Variants in PIN1 observed in about 807,000 individuals in gnomAD.
The protein encoded by PIN1 is peptidyl-prolyl cis-trans isomerase NIMA-interacting 1.
A neutral mutation model predicts 19.9 loss-of-function variants in PIN1; 8 were observed. The ratio of observed to expected loss-of-function variants is 0.40; its 90% confidence interval spans 0.24 to 0.72. The LOEUF (loss-of-function observed/expected upper bound fraction) is 0.72. PIN1 is among the 30% of genes least tolerant of loss of function. The pLI is 0.37. For synonymous variants in PIN1, 86 were observed against 90.8 expected, an observed-to-expected ratio of 0.95 and a Z score of 0.30; for missense variants, 185 against 226.5, an observed-to-expected ratio of 0.82 and a Z score of 1.18.
Position 9,849,091 on chromosome 19 carries a change from T to A in PIN1, c.384T>A (p.Gly128=). ...ARGDLGAFSR[G]QMQKPFEDAS... is the part of the protein sequence containing the mutation. ...CCCACCGCCCCTCCTGGCTCCCAGG[T>A]CAGATGCAGAAGCCATTTGAAGACG... The change falls in exon 4 of 4, where the codon GGT becomes GGA. Residue 128 remains glycine, a splice_region_variant and synonymous_variant. Transcript: ENST00000247970. 1 of 1,611,184 alleles carries A rather than the reference T, an allele frequency of 6.2e-7. No homozygotes were observed. Among genetic ancestry groups the A allele is most frequent in the Non-Finnish European group, 8.5e-7 (1 of 1,177,614 alleles).
At chr19:9,839,872 CGCCTGTAGTGTCA>C (rs2046147513) in intron 2 of PIN1, among the ~76,000 whole-genome samples, 1 of 151,984 alleles carries the variant, frequency 6.6e-6, no homozygotes, top group South Asian at 2.1e-4. Flanking sequence ...TGGTGGTGCA[CGCCTGTAGTGTCA>C]GCTACTTAGA....
At chr19:9,844,401 G>T (rs1052357370) in intron 2 of PIN1, among the ~76,000 whole-genome samples, 23 of 152,338 alleles carry the variant, frequency 1.5e-4, no homozygotes, top group African/African-American at 5.3e-4. Context: ...GCAGAGGTAG[G>T]ATCTGGACCT....
chr19:9,838,437 C>T lies in PIN1; in HGVS notation c.60C>T (p.Gly20=), dbSNP rs1442567055. ...GWEKRMSRSS[G]RVYYFNHITN... ...ATTCCTGCCTGCCCTCCCCTCCAGGCCGAGTGTACTACTTCAACCACATCA... is the reference window on the plus strand; with the variant it reads ...ATTCCTGCCTGCCCTCCCCTCCAGGTCGAGTGTACTACTTCAACCACATCA... Residue 20 remains glycine, a splice_region_variant and synonymous_variant, in exon 2 of 4, where the codon GGC becomes GGT. Transcript: ENST00000247970. This position sits in a 1 kb window ranked among gnomAD's most constrained non-coding sequence, Gnocchi z 5.8. The T allele has an allele frequency of 1.2e-6, 2 of 1,600,292 alleles. No homozygotes were observed. Among genetic ancestry groups the T allele is most frequent in the East Asian group, 2.2e-5 (1 of 44,446 alleles).
rs1489997217 is a variant in PIN1, at chr19:9,838,692, A to G, written c.271+44A>G. ...GGGGCTTGGGAGGGGGTCTTCTCCC[A>G]GGTGAGCCTTTGTAGAAGTCACATC... is the stretch of plus-strand genomic sequence containing the variant. On this transcript the variant is annotated intron_variant, in intron 2 of 3. Coordinates refer to ENST00000247970, the MANE Select transcript of PIN1 (RefSeq NM_006221.4). This position sits in a 1 kb window ranked among gnomAD's most constrained non-coding sequence, Gnocchi z 5.8. 4 of 1,453,090 alleles carry G rather than the reference A, an allele frequency of 2.8e-6. No homozygotes were observed. Among genetic ancestry groups the G allele is most frequent in the Non-Finnish European group, 3.7e-6 (4 of 1,073,478 alleles). The allele number at this position is 1,453,090 out of a possible 1,614,324, so 90.0% of individuals were successfully genotyped here.
At position 9,838,021 on chromosome 19, in the gene PIN1, CCA is replaced by C. The variant is rs765103434; in HGVS notation, c.59-414_59-413del. 490 of 290,226 alleles carry C rather than the reference CCA, an allele frequency of 1.7e-3. No individual in the cohort carries two copies. Among genetic ancestry groups the C allele is most frequent in the Non-Finnish European group, 2.5e-3 (375 of 148,040 alleles). 18.0% of individuals were successfully genotyped at this position (290,226 alleles called of 1,614,324 possible). A position where few individuals can be genotyped will look rare whatever the true frequency, so the allele number is the denominator to read the frequency against. On this transcript the variant is annotated intron_variant, in intron 1 of 3. Coordinates refer to ENST00000247970, the MANE Select transcript of PIN1 (RefSeq NM_006221.4). This position sits in a 1 kb window ranked among gnomAD's most constrained non-coding sequence, Gnocchi z 5.8. ...TATCTCCATTTTGCAGGTGAGAACA[CCA>C]AGGCCCAGGGAAGATATATCACATT...
In PIN1 at chr19:9,835,321, G is replaced by A. The variant is rs954710620; in HGVS notation, c.-24G>A. On this transcript the variant is annotated 5_prime_UTR_variant, in exon 1 of 4. Transcript: ENST00000247970. Reference sequence around the variant, plus strand: ...CGACAGGCGGCGCAGCTGAGGCGGAGCAGGCGCTGCGGCAGGAGGGAAGAT... The same window carrying A: ...CGACAGGCGGCGCAGCTGAGGCGGAACAGGCGCTGCGGCAGGAGGGAAGAT... The A allele has an allele frequency of 6.6e-7, 1 of 1,523,788 alleles. No individual in the cohort carries two copies. The highest frequency in any genetic ancestry group is 8.8e-7 in the Non-Finnish European group (1 of 1,141,428). The allele number at this position is 1,523,788 out of a possible 1,614,324, so 94.4% of individuals were successfully genotyped here. A position where few individuals can be genotyped will look rare whatever the true frequency, so the allele number is the denominator to read the frequency against.
At position 9,846,764 on chromosome 19, in the gene PIN1, G is replaced by A. The variant is rs1045386040; in HGVS notation, c.272-1266G>A. On this transcript the variant is annotated intron_variant, in intron 2 of 3. Transcript: ENST00000247970. This position sits in a 1 kb window ranked among gnomAD's most constrained non-coding sequence, Gnocchi z 5.9. ...AGCTATGTATGTCCTGGGCAAGTTG[G>A]CCGGCAGGTGTGTCATGGCATCATT... 2.0e-5 allele frequency among the ~76,000 whole-genome samples: 3 copies of A among 152,200 alleles called. No homozygotes were observed. Among genetic ancestry groups the A allele is most frequent in the Non-Finnish European group, 2.9e-5 (2 of 68,024 alleles).
rs2046134282 is a variant in PIN1, at chr19:9,838,571, G to A, written c.194G>A (p.Ser65Asn). Residue 65 changes from serine to asparagine, a missense_variant, in exon 2 of 4, where the codon AGC becomes AAC. By Grantham distance (46) the Ser-to-Asn change is conservative. Transcript: ENST00000247970. This position sits in a 1 kb window ranked among gnomAD's most constrained non-coding sequence, Gnocchi z 5.8. ...TGCTCGCACCTGCTGGTGAAGCACAGCCAGTCACGGCGGCCCTCGTCCTGG... is the reference window on the plus strand; with the variant it reads ...TGCTCGCACCTGCTGGTGAAGCACAACCAGTCACGGCGGCCCTCGTCCTGG... ...VRCSHLLVKH[S>N]QSRRPSSWRQ... The A allele has an allele frequency of 3.2e-6, 5 of 1,570,742 alleles. No individual in the cohort carries two copies. Among genetic ancestry groups the A allele is most frequent in the South Asian group, 1.2e-5 (1 of 85,554 alleles).
At chr19:9,836,077 A>G (rs1021595705) in intron 1 of PIN1, 4 of 152,204 alleles carry the variant, frequency 2.6e-5, no homozygotes, top group African/African-American at 9.7e-5. Context: ...AACTCGTCCA[A>G]GATCATTCAT....
chr19:9,838,692 A>C lies in PIN1; in HGVS notation c.271+44A>C. The C allele has an allele frequency of 6.9e-7, 1 of 1,453,090 alleles. No homozygotes were observed. The highest frequency in any genetic ancestry group is 9.3e-7 in the Non-Finnish European group (1 of 1,073,478). 90.0% of individuals were successfully genotyped at this position (1,453,090 alleles called of 1,614,324 possible). A position where few individuals can be genotyped will look rare whatever the true frequency, so the allele number is the denominator to read the frequency against. On this transcript the variant is annotated intron_variant, in intron 2 of 3. Coordinates refer to ENST00000247970, the MANE Select transcript of PIN1 (RefSeq NM_006221.4). This position sits in a 1 kb window ranked among gnomAD's most constrained non-coding sequence, Gnocchi z 5.8. ...GGGGCTTGGGAGGGGGTCTTCTCCCAGGTGAGCCTTTGTAGAAGTCACATC... is the reference window on the plus strand; with the variant it reads ...GGGGCTTGGGAGGGGGTCTTCTCCCCGGTGAGCCTTTGTAGAAGTCACATC...
chr19:9,835,542 C>T (rs890356263), intron 1 of PIN1, 140 bp downstream of exon 1: 1 of 628,724 alleles, frequency 1.6e-6, no homozygotes, highest in African/African-American at 1.9e-5. Flanking sequence ...GGGTAACGGC[C>T]CCGGCCCGCC....
intron 2 of PIN1, among the ~76,000 whole-genome samples, chr19:9,845,136 C>T (rs1380148536): frequency 2.0e-5 from 3 of 152,126 alleles, no homozygotes; most frequent in East Asian, 3.8e-4. Flanking sequence ...AGGTGGGAGT[C>T]GGAGGATGTC....
intron 2 of PIN1, among the ~76,000 whole-genome samples, chr19:9,840,005 TAAATA>T (rs1325580250): frequency 6.6e-6 from 1 of 151,806 alleles, no homozygotes; most frequent in Non-Finnish European, 1.5e-5. Flanking sequence ...GTCTCAAAAA[TAAATA>T]AGATAATATC....
Position 9,849,135 on chromosome 19 carries a change from C to CG in PIN1, c.433dup (p.Glu145GlyfsTer19), listed in dbSNP as rs751968599. The CG allele has an allele frequency of 6.2e-7, 1 of 1,613,818 alleles. No individual in the cohort carries two copies. Among genetic ancestry groups the CG allele is most frequent in the Admixed American group, 1.7e-5 (1 of 60,010 alleles). ...GAAGACGCCTCGTTTGCGCTGCGGACGGGGGAGATGAGCGGGCCCGTGTTC... is the reference window on the plus strand; with the variant it reads ...GAAGACGCCTCGTTTGCGCTGCGGACGGGGGGAGATGAGCGGGCCCGTGTTC... On this transcript the variant is annotated frameshift_variant, in exon 4 of 4. Transcript: ENST00000247970. LOFTEE classifies it high-confidence loss of function.
chr19:9,845,016 C>A (rs933405283), intron 2 of PIN1, among the ~76,000 whole-genome samples: 1 of 152,118 alleles, frequency 6.6e-6, no homozygotes, highest in African/African-American at 2.4e-5. Context: ...AAATGCAGCA[C>A]CCAGGGGGAG....
Position 9,838,348 on chromosome 19 carries a change from C to G in PIN1, c.59-88C>G. 9.5e-7 allele frequency: 1 copy of G among 1,053,014 alleles called. No individual in the cohort carries two copies. Among genetic ancestry groups the G allele is most frequent in the East Asian group, 2.6e-5 (1 of 39,094 alleles). 65.2% of individuals were successfully genotyped at this position (1,053,014 alleles called of 1,614,324 possible). On this transcript the variant is annotated intron_variant, in intron 1 of 3. Coordinates refer to ENST00000247970, the MANE Select transcript of PIN1 (RefSeq NM_006221.4). The surrounding 1 kb of genome is among the most constrained non-coding windows in gnomAD (Gnocchi z 5.8). ...TTGAATGAAGGCGCCCCCTGCAAGC[C>G]AGGCCCTCACCCTGGCTTCTGGCTG...
intron 2 of PIN1, among the ~76,000 whole-genome samples, chr19:9,844,083 G>C (rs1599452822): frequency 6.6e-6 from 1 of 152,046 alleles, no homozygotes; most frequent in East Asian, 1.9e-4. Context: ...TGTTGGATCA[G>C]GGCCCCACCC....
In PIN1 at chr19:9,838,476, G is replaced by A. The variant is rs2233682; in HGVS notation, c.99G>A (p.Gln33=). The change falls in exon 2 of 4, where the codon CAG becomes CAA. Residue 33 remains glutamine (Q), a synonymous_variant. Transcript: ENST00000247970. The surrounding 1 kb of genome is among the most constrained non-coding windows in gnomAD (Gnocchi z 5.8). ...TCAACCACATCACTAACGCCAGCCA[G>A]TGGGAGCGGCCCAGCGGCAACAGCA... ...YYFNHITNAS[Q]WERPSGNSSS... 0.021 allele frequency: 33,013 copies of A among 1,609,254 alleles called. 1,662 individuals carry two copies. Among genetic ancestry groups the A allele is most frequent in the African/African-American group, 0.18 (13,163 of 74,990 alleles).
chr19:9,848,177 C>G, intron 3 of PIN1, 37 bp downstream of exon 3: 2 of 1,269,428 alleles, frequency 1.6e-6, no homozygotes, highest in Non-Finnish European at 2.3e-6. Flanking sequence ...TTGGGGGACC[C>G]TTACCACCCT....
Sources: gnomAD v4.1 joint callset for allele counts (sites outside exome capture counted in the v4.1 genomes callset) on GRCh38, gnomAD v4.1.1 for gene constraint, Gnocchi (gnomAD v3.1) non-coding constraint, MANE v1.5 for transcripts, NCBI Gene and HGNC (gene_info 2026-07-23, HGNC 2026-07-21) for gene names.